RAB8A: variants seen among roughly 807,000 people sequenced by gnomAD.
RAB8A encodes the protein ras-related protein Rab-8A.
In RAB8A, 5 loss-of-function variants were observed where a neutral mutation model predicts 29.2. That is an observed-to-expected ratio of 0.17 (90% CI 0.09 to 0.36). The LOEUF (loss-of-function observed/expected upper bound fraction) is 0.36. RAB8A is among the 10% of genes least tolerant of loss of function. The probability of loss-of-function intolerance (pLI) is 1.00; values close to 1 mark genes in which losing one functional copy is unlikely to be tolerated. For synonymous variants in RAB8A, 108 were observed against 99.9 expected, an observed-to-expected ratio of 1.08 and a Z score of -0.49; for missense variants, 171 against 272.2, an observed-to-expected ratio of 0.63 and a Z score of 2.62.
At chr19:16,120,673 C>T (rs535765277) in intron 2 of RAB8A, among the ~76,000 whole-genome samples, 19 of 149,358 alleles carry the variant, frequency 1.3e-4, no homozygotes, top group East Asian at 7.9e-4. Flanking sequence ...TATAGCGGCA[C>T]GATCTCAGGT....
chr19:16,123,882 GGTGTTTCCAGGAAA>G (rs2090885646), intron 3 of RAB8A: 1 of 151,998 alleles, frequency 6.6e-6, no homozygotes, highest in Non-Finnish European at 1.5e-5. Context: ...AGCCCTGAGG[GGTGTTTCCAGGAAA>G]ACCTGGAATA....
In RAB8A at chr19:16,125,496, C is replaced by A. The variant is rs2090895838; in HGVS notation, c.273C>A (p.Thr91=). The change falls in exon 4 of 8, where the codon ACC becomes ACA. Residue 91 remains threonine (T), a synonymous_variant. Coordinates refer to ENST00000300935, the MANE Select transcript of RAB8A (RefSeq NM_005370.5). This position sits in a 1 kb window ranked among gnomAD's most constrained non-coding sequence, Gnocchi z 5.0. ...AMGIMLVYDI[T]NEKSFDNIRN... ...GCATCATGCTGGTCTACGACATCAC[C>A]AACGAGAAGTCCTTCGACAACATCC... 1 of 1,614,188 alleles carries A rather than the reference C, an allele frequency of 6.2e-7. No homozygotes were observed. Among genetic ancestry groups the A allele is most frequent in the East Asian group, 2.2e-5 (1 of 44,894 alleles).
At position 16,125,013 on chromosome 19, in the gene RAB8A, T is replaced by TAAAAAA; in HGVS notation, c.247-457_247-456insAAAAAA. 1.9e-3 allele frequency: 367 copies of TAAAAAA among 195,962 alleles called. No homozygotes were observed. Among genetic ancestry groups the TAAAAAA allele is most frequent in the South Asian group, 0.01 (109 of 10,884 alleles). The allele number at this position is 195,962 out of a possible 1,614,324, so 12.1% of individuals were successfully genotyped here. A position where few individuals can be genotyped will look rare whatever the true frequency, so the allele number is the denominator to read the frequency against. The stretch of plus-strand genomic sequence containing the variant: ...TCGGGTCAGGACTTCCTGGGCTCAG[T>TAAAAAA]TGTGCCTGGTAGGTGGCTCAGGCAG... On this transcript the variant is annotated intron_variant, in intron 3 of 7. Transcript: ENST00000300935. This position sits in a 1 kb window ranked among gnomAD's most constrained non-coding sequence, Gnocchi z 5.0.
At chr19:16,117,874 G>A (rs959733656) in intron 1 of RAB8A, among the ~76,000 whole-genome samples, 1 of 152,182 alleles carries the variant, frequency 6.6e-6, no homozygotes, top group Non-Finnish European at 1.5e-5. Context: ...TTGGTCAGCT[G>A]CAGGGTGTTG....
chr19:16,132,073 G>T lies in RAB8A; in HGVS notation c.532-139G>T. On this transcript the variant is annotated intron_variant, in intron 7 of 7. Transcript: ENST00000300935. The surrounding 1 kb of genome is among the most constrained non-coding windows in gnomAD (Gnocchi z 5.6). ...TGGTTTGGCTGGTTTGATTGGTTTG[G>T]TTGTTTGGTTGGTTGGTTGGTTGGT... is the stretch of plus-strand genomic sequence containing the variant. The T allele has an allele frequency of 3.0e-6, 2 of 673,740 alleles. No individual in the cohort carries two copies. The allele number at this position is 673,740 out of a possible 1,614,324, so 41.7% of individuals were successfully genotyped here.
At position 16,127,859 on chromosome 19, in the gene RAB8A, G is replaced by A; in HGVS notation, c.415-167G>A. The A allele has an allele frequency of 1.4e-6, 1 of 705,780 alleles. No homozygotes were observed. Among genetic ancestry groups the A allele is most frequent in the Non-Finnish European group, 2.5e-6 (1 of 400,434 alleles). 43.7% of individuals were successfully genotyped at this position (705,780 alleles called of 1,614,324 possible). A position where few individuals can be genotyped will look rare whatever the true frequency, so the allele number is the denominator to read the frequency against. ...CCATGCCCTGTGAGGCCCTGTGGAG[G>A]GGCATTCACTATAGAATTGAGGGAG... On this transcript the variant is annotated intron_variant, in intron 5 of 7. Coordinates refer to ENST00000300935, the MANE Select transcript of RAB8A (RefSeq NM_005370.5). The surrounding 1 kb of genome is among the most constrained non-coding windows in gnomAD (Gnocchi z 4.8).
chr19:16,119,507 A>C (rs2090863704), intron 2 of RAB8A, among the ~76,000 whole-genome samples: 1 of 151,800 alleles, frequency 6.6e-6, no homozygotes, highest in Non-Finnish European at 1.5e-5. Flanking sequence ...GCCCGGCCCT[A>C]CTGTTCACCT....
chr19:16,115,744 G>A (rs1209356499), intron 1 of RAB8A, among the ~76,000 whole-genome samples: 1 of 152,216 alleles, frequency 6.6e-6, no homozygotes, highest in African/African-American at 2.4e-5. Context: ...TAGCAAATGT[G>A]TATTCAACCC....
At chr19:16,115,530 A>G (rs910456010) in intron 1 of RAB8A, among the ~76,000 whole-genome samples, 1 of 152,178 alleles carries the variant, frequency 6.6e-6, no homozygotes, top group Non-Finnish European at 1.5e-5. Context: ...TCAGGGGCCC[A>G]TTGATTCCTC....
chr19:16,129,632 G>A (rs368681286), intron 7 of RAB8A, 28 bp downstream of exon 7: 46 of 1,609,946 alleles, frequency 2.9e-5, no homozygotes, highest in Non-Finnish European at 3.6e-5. Context: ...CGAGATCCCC[G>A]GGTGGATCTC....
chr19:16,131,488 G>C (rs2090924126), intron 7 of RAB8A, among the ~76,000 whole-genome samples: 2 of 151,844 alleles, frequency 1.3e-5, no homozygotes, highest in South Asian at 4.2e-4. Context: ...GGAAGGAGGT[G>C]GTTGCTTGGA....
Position 16,119,369 on chromosome 19 carries a change from C to T in RAB8A, c.185+1083C>T, listed in dbSNP as rs546064331. 3.9e-5 allele frequency among the ~76,000 whole-genome samples: 6 copies of T among 152,248 alleles called. 2 individuals are homozygous for T. Among genetic ancestry groups the T allele is most frequent in the African/African-American group, 1.4e-4 (6 of 41,562 alleles). ...TACAGGCATGCACCACCACGCCCAA[C>T]TAATTTTGTATTTTTAGTAGAGACG... On this transcript the variant is annotated intron_variant, in intron 2 of 7. Coordinates refer to ENST00000300935, the MANE Select transcript of RAB8A (RefSeq NM_005370.5).
At chr19:16,130,838 T>G (rs180947251) in intron 7 of RAB8A, among the ~76,000 whole-genome samples, 120 of 133,786 alleles carry the variant, frequency 9.0e-4, no homozygotes, top group African/African-American at 3.1e-3. Flanking sequence ...TTTTCTTTTT[T>G]TTTGAGAAGG....
At chr19:16,123,539 G>T (rs1446341109) in intron 3 of RAB8A, 1 of 152,186 alleles carries the variant, frequency 6.6e-6, no homozygotes, top group East Asian at 1.9e-4. Flanking sequence ...CCTGGGAGCC[G>T]GAGGTTGCGG....
chr19:16,132,379 G>T lies in RAB8A; in HGVS notation c.*75G>T. On this transcript the variant is annotated 3_prime_UTR_variant, in exon 8 of 8. Coordinates refer to ENST00000300935, the MANE Select transcript of RAB8A (RefSeq NM_005370.5). This position sits in a 1 kb window ranked among gnomAD's most constrained non-coding sequence, Gnocchi z 5.6. Reference sequence around the variant, plus strand: ...TTCTGAGTGAGCCCCTCACTCAGCCGGGGCCCTCCCACCTCCAACGCCCCG... The same window carrying T: ...TTCTGAGTGAGCCCCTCACTCAGCCTGGGCCCTCCCACCTCCAACGCCCCG... 2.8e-6 allele frequency: 4 copies of T among 1,454,494 alleles called. No homozygotes were observed. The highest frequency in any genetic ancestry group is 3.8e-6 in the Non-Finnish European group (4 of 1,061,504). The allele number at this position is 1,454,494 out of a possible 1,614,324, so 90.1% of individuals were successfully genotyped here. A position where few individuals can be genotyped will look rare whatever the true frequency, so the allele number is the denominator to read the frequency against.
At position 16,121,968 on chromosome 19, in the gene RAB8A, G is replaced by A. The variant is rs910109147; in HGVS notation, c.246+158G>A. Reference sequence around the variant, plus strand: ...AGTTAGTCTTAGGAACAGGCTTTGTGCCCCGGCCTACCCCCATGTACATAC... The same window carrying A: ...AGTTAGTCTTAGGAACAGGCTTTGTACCCCGGCCTACCCCCATGTACATAC... On this transcript the variant is annotated intron_variant, in intron 3 of 7. Transcript: ENST00000300935. The A allele has an allele frequency of 9.1e-6, 6 of 658,648 alleles. No individual in the cohort carries two copies. The African/African-American group carries it at 1.1e-4, about 12-fold the overall frequency. 40.8% of individuals were successfully genotyped at this position (658,648 alleles called of 1,614,324 possible).
Position 16,133,623 on chromosome 19 carries a change from T to A in RAB8A, c.*1319T>A, listed in dbSNP as rs2090940283. 6.5e-6 allele frequency: 1 copy of A among 152,680 alleles called. No individual in the cohort carries two copies. The highest frequency in any genetic ancestry group is 1.5e-5 in the Non-Finnish European group (1 of 68,080). The allele number at this position is 152,680 out of a possible 1,614,324, so 9.5% of individuals were successfully genotyped here. On this transcript the variant is annotated 3_prime_UTR_variant, in exon 8 of 8. Transcript: ENST00000300935. ...AGGAAAACAAACAAATTAAAGCTCA[T>A]CTTAAAGTCCAAGGATTTTTATGTC...
At chr19:16,131,426 A>G (rs952386320) in intron 7 of RAB8A, among the ~76,000 whole-genome samples, 16 of 151,684 alleles carry the variant, frequency 1.1e-4, no homozygotes, top group Non-Finnish European at 1.5e-4. Context: ...GGTTGGATAG[A>G]TAGATGATTG....
intron 1 of RAB8A, among the ~76,000 whole-genome samples, chr19:16,116,633 G>C (rs1016222367): frequency 6.6e-6 from 1 of 152,124 alleles, no homozygotes. Flanking sequence ...TCAAGAGATC[G>C]AGAACAGCCT....
Sources: allele counts gnomAD v4.1 joint callset (sites outside exome capture counted in the v4.1 genomes callset), GRCh38; gene constraint gnomAD v4.1.1; non-coding constraint Gnocchi (gnomAD v3.1); transcripts MANE v1.5; gene names NCBI Gene and HGNC (gene_info 2026-07-23, HGNC 2026-07-21).